The following EIF4E3 variants were observed in gnomAD, a reference collection of about 807,000 sequenced individuals.
The protein encoded by EIF4E3 is eukaryotic translation initiation factor 4E family member 3, also known as eukaryotic translation initiation factor 4E type 3.
EIF4E3 carries 26 observed loss-of-function variants against 31.7 expected under a neutral mutation model. The observed-to-expected ratio is 0.82, with a 90% CI of 0.60 to 1.14. The LOEUF (loss-of-function observed/expected upper bound fraction) is 1.14, where lower values mean the gene tolerates loss of function less well. EIF4E3 is among the 50% of genes most tolerant of loss of function. The pLI, the probability that EIF4E3 is intolerant of heterozygous loss-of-function variation, is 0.00. For missense variants in EIF4E3, 304 were observed against 270.9 expected (o/e 1.12, Z -0.86); for synonymous variants, 128 against 107.7 (o/e 1.19, Z -1.17).
At chr3:71,674,147 C>T (rs1241738849), downstream of EIF4E3, among the ~76,000 whole-genome samples, 2 of 132,254 alleles carry the variant, frequency 1.5e-5, no homozygotes, top group African/African-American at 5.7e-5. Context: ...CGCTGTGTCG[C>T]CCAGGCTGGA....
intron 5 of EIF4E3, among the ~76,000 whole-genome samples, chr3:71,690,584 G>C (rs1016526179): frequency 4.6e-5 from 7 of 152,180 alleles, no homozygotes; most frequent in African/African-American, 1.2e-4. Context: ...TTGTTAAGGA[G>C]AGCAAGAATT....
At chr3:71,728,956 C>T (rs2049672364), upstream of EIF4E3, 1 of 152,336 alleles carries the variant, frequency 6.6e-6, no homozygotes, top group Non-Finnish European at 1.5e-5. Context: ...AGTTGCTTTC[C>T]ATTGCACTAG....
the EIF4E3 span, among the ~76,000 whole-genome samples, chr3:71,662,182 G>A: frequency 6.6e-6 from 1 of 152,192 alleles, no homozygotes; most frequent in African/African-American, 2.4e-5. Context: ...TAAGGGCAAG[G>A]TGGAGGGGAG....
At chr3:71,694,530 T>C (rs4423732) in intron 4 of EIF4E3, among the ~76,000 whole-genome samples, 119,246 of 151,694 alleles carry the variant, frequency 0.79, 48,343 homozygotes, top group Non-Finnish European at 0.9. Context: ...CAGTGCACGC[T>C]CCGGTCTGCC....
chr3:71,750,418 T>TTCATGAGCTTC (rs1167021211), intron 1 of EIF4E3, among the ~76,000 whole-genome samples: 79 of 152,320 alleles, frequency 5.2e-4, no homozygotes, highest in African/African-American at 1.6e-3. Context: ...CACTCAGCTA[T>TTCATGAGCTTC]TCATGAGCTT....
the EIF4E3 span, among the ~76,000 whole-genome samples, chr3:71,668,684 A>G: frequency 2.0e-5 from 3 of 152,218 alleles, no homozygotes; most frequent in Admixed American, 1.3e-4. Context: ...GCAAATCAAA[A>G]CCACAATGAG....
chr3:71,752,957 A>G (rs2049949141), intron 1 of EIF4E3, among the ~76,000 whole-genome samples: 1 of 152,190 alleles, frequency 6.6e-6, no homozygotes, highest in African/African-American at 2.4e-5. Flanking sequence ...AAGGTGGCAT[A>G]GGGTTCACCT....
intron 4 of EIF4E3, 48 bp downstream of exon 4, chr3:71,696,412 A>C (rs1467474753): frequency 5.6e-6 from 9 of 1,608,152 alleles, no homozygotes; most frequent in Non-Finnish European, 7.7e-6. Context: ...CAGGCAGTCA[A>C]CAACTCCAAG....
intron 1 of EIF4E3, among the ~76,000 whole-genome samples, chr3:71,753,144 C>T (rs1053273093): frequency 1.3e-5 from 2 of 152,132 alleles, no homozygotes; most frequent in African/African-American, 4.8e-5. Flanking sequence ...TCTCAACTCC[C>T]TTGACCTCCA....
upstream of EIF4E3, chr3:71,754,276 T>C (rs761777436): frequency 8.4e-7 from 1 of 1,190,096 alleles, no homozygotes; most frequent in Non-Finnish European, 1.0e-6. The surrounding 1 kb of genome is among the most constrained non-coding windows in gnomAD (Gnocchi z 5.8). Flanking sequence ...CCGGCCGTCA[T>C]GCTGGCGGCG....
chr3:71,685,942 C>CA (rs1340663972), intron 6 of EIF4E3, among the ~76,000 whole-genome samples: 1 of 152,100 alleles, frequency 6.6e-6, no homozygotes, highest in African/African-American at 2.4e-5. Context: ...ATGGGCTGGC[C>CA]CATTTCACCT....
chr3:71,699,195 C>T (rs2049180203), intron 3 of EIF4E3, among the ~76,000 whole-genome samples: 1 of 152,024 alleles, frequency 6.6e-6, no homozygotes, highest in Non-Finnish European at 1.5e-5. Context: ...CCACTGCACT[C>T]CAGCCTTGGT....
At chr3:71,711,945 T>C (rs1446173596) in intron 1 of EIF4E3, among the ~76,000 whole-genome samples, 9 of 152,090 alleles carry the variant, frequency 5.9e-5, no homozygotes, top group African/African-American at 2.2e-4. Flanking sequence ...GTCGGGCCAC[T>C]GTACTCCAGC....
intron 6 of EIF4E3, among the ~76,000 whole-genome samples, chr3:71,687,849 C>G (rs2049014188): frequency 6.6e-6 from 1 of 152,198 alleles, no homozygotes; most frequent in Non-Finnish European, 1.5e-5. Flanking sequence ...ATCCTATTAA[C>G]CAAACCAGAG....
chr3:71,685,079 G>C (rs1234358587), intron 6 of EIF4E3, among the ~76,000 whole-genome samples: 2 of 152,230 alleles, frequency 1.3e-5, no homozygotes, highest in East Asian at 1.9e-4. Flanking sequence ...TGCATTGCAG[G>C]GGGTGGGGAG....
chr3:71,723,724 G>A (rs540374758), intron 1 of EIF4E3, among the ~76,000 whole-genome samples: 1 of 152,176 alleles, frequency 6.6e-6, no homozygotes, highest in Non-Finnish European at 1.5e-5. Context: ...GGTAACAATA[G>A]CACAGTTGCA....
At chr3:71,687,986 T>A (rs536512397) in intron 6 of EIF4E3, among the ~76,000 whole-genome samples, 1 of 152,042 alleles carries the variant, frequency 6.6e-6, no homozygotes, top group East Asian at 2.0e-4. Context: ...AAGGACTGCC[T>A]GCTTTGTTTA....
At chr3:71,707,261 T>C (rs1363985535) in intron 2 of EIF4E3, among the ~76,000 whole-genome samples, 1 of 152,188 alleles carries the variant, frequency 6.6e-6, no homozygotes, top group Non-Finnish European at 1.5e-5. Context: ...TACAGATGAG[T>C]AAACTGAGAT....
intron 1 of EIF4E3, among the ~76,000 whole-genome samples, chr3:71,714,277 G>A (rs535315356): frequency 1.1e-3 from 150 of 135,812 alleles, no homozygotes; most frequent in East Asian, 1.3e-3. Context: ...AAGGAAAGAA[G>A]GAAGGAAGGA....
Sources: allele counts gnomAD v4.1 joint callset (sites outside exome capture counted in the v4.1 genomes callset), GRCh38; gene constraint gnomAD v4.1.1; non-coding constraint Gnocchi (gnomAD v3.1); transcripts MANE v1.5; gene names NCBI Gene and HGNC (gene_info 2026-07-23, HGNC 2026-07-21).